Variants in PKHD1L1 observed in about 807,000 individuals in gnomAD.
PKHD1L1 encodes PKHD1 like 1, also known as fibrocystin-L.
A neutral mutation model predicts 462.9 loss-of-function variants in PKHD1L1; 434 were observed. The ratio of observed to expected loss-of-function variants is 0.94; its 90% CI spans 0.87 to 1.02. PKHD1L1 has a LOEUF of 1.02. Ranked by LOEUF, PKHD1L1 falls within the 50% of genes least tolerant of loss-of-function variation. The probability of loss-of-function intolerance (pLI) is 0.00; values close to 1 mark genes in which losing one functional copy is unlikely to be tolerated. For missense variants in PKHD1L1, 5,202 were observed against 5,096.1 expected (o/e 1.02, Z -0.63); for synonymous variants, 1,781 against 1,750.0 (o/e 1.02, Z -0.44).
intron 9 of PKHD1L1, 99 bp from the exon 10 acceptor site, chr8:109,394,315 CT>C: frequency 1.5e-6 from 1 of 661,408 alleles, no homozygotes; most frequent in Non-Finnish European, 2.4e-6. Flanking sequence ...TTCCATCGTG[CT>C]CTTTTGCAGA....
At chr8:109,417,707 G>A (rs1334621886) in intron 21 of PKHD1L1, among the ~76,000 whole-genome samples, 2 of 151,834 alleles carry the variant, frequency 1.3e-5, no homozygotes, top group African/African-American at 4.8e-5. Flanking sequence ...GTGCCACCCC[G>A]CCCAGCTAAT....
At chr8:109,455,569 G>A (rs888908054) in intron 45 of PKHD1L1, among the ~76,000 whole-genome samples, 3 of 152,124 alleles carry the variant, frequency 2.0e-5, no homozygotes, top group Non-Finnish European at 4.4e-5. Context: ...ACAGAAGAAT[G>A]TAATTTCTTA....
chr8:109,419,003 A>G (rs1312539145), intron 21 of PKHD1L1, 94 bp from the exon 22 acceptor site: 13 of 1,152,114 alleles, frequency 1.1e-5, no homozygotes, highest in African/African-American at 1.5e-5. Context: ...GTGGGAAAAA[A>G]TATTTTACTC....
intron 2 of PKHD1L1, among the ~76,000 whole-genome samples, chr8:109,368,787 G>T (rs1484801626): frequency 1.3e-5 from 2 of 152,074 alleles, no homozygotes; most frequent in South Asian, 4.2e-4. Context: ...GGAGACCCAG[G>T]TTTGCGTGCC....
chr8:109,460,860 C>CTTAT (rs1817082815), intron 47 of PKHD1L1, among the ~76,000 whole-genome samples: 1 of 152,120 alleles, frequency 6.6e-6, no homozygotes, highest in South Asian at 2.1e-4. Context: ...TATCTCAGCA[C>CTTAT]GGGCTTCTGT....
intron 50 of PKHD1L1, among the ~76,000 whole-genome samples, chr8:109,472,079 G>A (rs1817749552): frequency 8.6e-6 from 1 of 116,930 alleles, no homozygotes; most frequent in Non-Finnish European, 1.9e-5. Context: ...AGTCTTAATT[G>A]TGTTTATTTT....
At chr8:109,409,247 C>T (rs1813713900) in intron 18 of PKHD1L1, among the ~76,000 whole-genome samples, 1 of 151,658 alleles carries the variant, frequency 6.6e-6, no homozygotes, top group African/African-American at 2.4e-5. Flanking sequence ...ACAGTATATG[C>T]ATGTAACCTT....
intron 2 of PKHD1L1, among the ~76,000 whole-genome samples, chr8:109,370,606 C>T (rs1758710472): frequency 6.6e-6 from 1 of 151,892 alleles, no homozygotes; most frequent in Admixed American, 6.6e-5. Context: ...GTGCTGCACC[C>T]ATTAACTCGT....
intron 73 of PKHD1L1, among the ~76,000 whole-genome samples, chr8:109,520,902 G>T (rs1820519573): frequency 1.3e-5 from 2 of 152,092 alleles, no homozygotes; most frequent in Admixed American, 1.3e-4. Flanking sequence ...AGTGCAGACT[G>T]CATCAGACCT....
At chr8:109,511,642 C>T (rs1299861726) in intron 71 of PKHD1L1, among the ~76,000 whole-genome samples, 1 of 151,948 alleles carries the variant, frequency 6.6e-6, no homozygotes, top group Non-Finnish European at 1.5e-5. Flanking sequence ...GTGAATAGTG[C>T]CACAATAAAC....
intron 72 of PKHD1L1, 64 bp downstream of exon 72, chr8:109,515,369 CTGAT>C: frequency 2.4e-6 from 3 of 1,228,036 alleles, no homozygotes; most frequent in Non-Finnish European, 3.2e-6. Flanking sequence ...TTTTAAGTGT[CTGAT>C]TATTAGTATT....
Position 109,515,277 on chromosome 8 carries a change from C to G in PKHD1L1, c.11661C>G (p.His3887Gln). The G allele has an allele frequency of 6.2e-7, 1 of 1,600,348 alleles. No homozygotes were observed. The highest frequency in any genetic ancestry group is 8.5e-7 in the Non-Finnish European group (1 of 1,171,976). The change falls in exon 72 of 78, where the codon CAC (histidine) becomes CAG (glutamine). Residue 3887 changes from histidine to glutamine, a missense_variant. Coordinates refer to ENST00000378402, the MANE Select transcript of PKHD1L1 (RefSeq NM_177531.6). ...CAATATGGAATGCCCAGCAGAAACA[C>G]TGTGAACTTAATAACCATCTGTACA... ...KTTIWNAQQK[H>Q]CELNNHLYKD... is the part of the protein sequence containing the mutation.
At chr8:109,425,894 A>G (rs149653440) in intron 24 of PKHD1L1, among the ~76,000 whole-genome samples, 7 of 152,264 alleles carry the variant, frequency 4.6e-5, no homozygotes, top group African/African-American at 1.7e-4. Context: ...ATTTATTACT[A>G]TTAAAATATT....
Position 109,497,219 on chromosome 8 carries a change from T to G in PKHD1L1, c.10546T>G (p.Tyr3516Asp). ...DNGMAIFPMI[Y>D]MPAAISHKIS... is the part of the protein sequence containing the mutation. ...TGGAATGGCCATTTTTCCAATGATT[T>G]ACATGCCAGCTGCTATATCACACAA... Residue 3516 changes from tyrosine (Y) to aspartate (D), a missense_variant, in exon 65 of 78, where the codon TAC becomes GAC. This residue lies in a region of PKHD1L1 where 4,497 missense variants were observed against 4,336.8 expected (regional missense o/e 1.04). Coordinates refer to ENST00000378402, the MANE Select transcript of PKHD1L1 (RefSeq NM_177531.6). The G allele has an allele frequency of 6.2e-7, 1 of 1,613,588 alleles. No homozygotes were observed. Among genetic ancestry groups the G allele is most frequent in the Non-Finnish European group, 8.5e-7 (1 of 1,179,604 alleles).
chr8:109,452,516 C>A (rs1816587537), intron 42 of PKHD1L1, among the ~76,000 whole-genome samples: 1 of 151,134 alleles, frequency 6.6e-6, no homozygotes, highest in South Asian at 2.1e-4. Context: ...TAAACTTGAT[C>A]ATTATTGTGA....
chr8:109,475,920 A>AT (rs1166176330), intron 51 of PKHD1L1, among the ~76,000 whole-genome samples: 15 of 123,566 alleles, frequency 1.2e-4, no homozygotes, highest in South Asian at 9.9e-4. Flanking sequence ...TTTCTAATTT[A>AT]TAAAAAAAGT....
intron 59 of PKHD1L1, among the ~76,000 whole-genome samples, chr8:109,487,938 A>AAGGAAGGAAGGAAGGAAGGAAGGG (rs1361215222): frequency 1.3e-5 from 2 of 150,252 alleles, no homozygotes; most frequent in African/African-American, 4.9e-5. Context: ...GGAAGGAAGG[A>AAGGAAGGAAGGAAGGAAGGAAGGG]AGGAAAGAAG....
At chr8:109,466,095 C>A (rs1484871041) in intron 49 of PKHD1L1, among the ~76,000 whole-genome samples, 1 of 152,142 alleles carries the variant, frequency 6.6e-6, no homozygotes, top group African/African-American at 2.4e-5. Context: ...GAGTTTTCAA[C>A]CACAGTTGTT....
intron 63 of PKHD1L1, among the ~76,000 whole-genome samples, chr8:109,495,921 A>T (rs1309208555): frequency 6.6e-6 from 1 of 152,104 alleles, no homozygotes; most frequent in African/African-American, 2.4e-5. Context: ...CTTTCATGAA[A>T]ATCCCCTTTG....
Sources: allele counts gnomAD v4.1 joint callset (sites outside exome capture counted in the v4.1 genomes callset), GRCh38; gene constraint gnomAD v4.1.1; regional missense constraint gnomAD v4.1.1; transcripts MANE v1.5; gene names NCBI Gene and HGNC (gene_info 2026-07-23, HGNC 2026-07-21).